ARAP2: variants seen among roughly 807,000 people sequenced by gnomAD.
ARAP2 encodes the protein arf-GAP with Rho-GAP domain, ANK repeat and PH domain-containing protein 2.
ARAP2 carries 148 observed loss-of-function variants against 194.5 expected under a neutral mutation model. That is an observed-to-expected ratio of 0.76 (90% CI 0.67 to 0.87). The LOEUF is 0.87. ARAP2 is among the 40% of genes least tolerant of loss of function. The pLI is 0.00. For missense variants in ARAP2, 2,128 were observed against 1,989.7 expected, an observed-to-expected ratio of 1.07 and a Z score of -1.32; for synonymous variants, 695 against 683.5, an observed-to-expected ratio of 1.02 and a Z score of -0.26.
intron 22 of ARAP2, among the ~76,000 whole-genome samples, chr4:36,121,630 T>G (rs1162173402): frequency 6.6e-6 from 1 of 151,584 alleles, no homozygotes; most frequent in African/African-American, 2.4e-5. Flanking sequence ...GTGGCCAAAG[T>G]ATAGAAGTAT....
At chr4:36,100,514 T>G (rs1716570997) in intron 27 of ARAP2, among the ~76,000 whole-genome samples, 1 of 151,872 alleles carries the variant, frequency 6.6e-6, no homozygotes, top group South Asian at 2.1e-4. Flanking sequence ...GATCAAGTAA[T>G]TTTGCAATAT....
chr4:36,221,158 T>C (rs996246908), intron 2 of ARAP2, among the ~76,000 whole-genome samples: 3 of 152,162 alleles, frequency 2.0e-5, no homozygotes, highest in Admixed American at 6.6e-5. Context: ...TACAGGTTTG[T>C]AGCCTAGGAA....
At chr4:36,091,608 T>G (rs1713669407) in intron 28 of ARAP2, among the ~76,000 whole-genome samples, 1 of 152,148 alleles carries the variant, frequency 6.6e-6, no homozygotes, top group Non-Finnish European at 1.5e-5. Flanking sequence ...TTGACTGAGA[T>G]GTTGATTTAT....
At chr4:36,237,985 G>C (rs747091592) in intron 1 of ARAP2, among the ~76,000 whole-genome samples, 10 of 152,204 alleles carry the variant, frequency 6.6e-5, no homozygotes, top group Non-Finnish European at 1.3e-4. Flanking sequence ...GACTGCAAAA[G>C]GATGAAGGTC....
chr4:36,141,822 A>G (rs373944169), intron 19 of ARAP2, among the ~76,000 whole-genome samples: 6 of 151,800 alleles, frequency 4.0e-5, no homozygotes, highest in East Asian at 3.9e-4. Context: ...GGCCAACAGT[A>G]TAAATAATTG....
intron 11 of ARAP2, among the ~76,000 whole-genome samples, chr4:36,161,969 G>A (rs1309692334): frequency 1.3e-5 from 2 of 151,888 alleles, no homozygotes; most frequent in Non-Finnish European, 2.9e-5. Flanking sequence ...TTAGCCGGGC[G>A]AGGTGGCAGG....
At chr4:36,200,067 CAATTT>C (rs962181769) in intron 6 of ARAP2, among the ~76,000 whole-genome samples, 39 of 151,972 alleles carry the variant, frequency 2.6e-4, no homozygotes, top group African/African-American at 9.2e-4. Flanking sequence ...GTTAAATAAC[CAATTT>C]ATTTTTAAAC....
At chr4:36,011,792 A>G (rs1006986980) in intron 9 of ARAP2, among the ~76,000 whole-genome samples, 6 of 152,208 alleles carry the variant, frequency 3.9e-5, no homozygotes, top group African/African-American at 9.6e-5. Context: ...GGTTGTAAAC[A>G]CAGCATATTA....
Position 36,067,705 on chromosome 4 carries a change from G to T in ARAP2, c.*202C>A. On this transcript the variant is annotated 3_prime_UTR_variant, in exon 33 of 33. Transcript: ENST00000303965. ...AATACAATGGAACTTTACAAGGTTT[G>T]TTCAGACCAAAATAAAGTTAATCTT... 1 of 535,218 alleles carries T rather than the reference G, an allele frequency of 1.9e-6. No homozygotes were observed. 33.2% of individuals were successfully genotyped at this position (535,218 alleles called of 1,614,324 possible).
At chr4:36,175,237 T>G in intron 9 of ARAP2, among the ~76,000 whole-genome samples, 1 of 152,212 alleles carries the variant, frequency 6.6e-6, no homozygotes. Flanking sequence ...TGTGTGTGTT[T>G]GTATAAAATT....
At chr4:36,084,203 G>T (rs1366412163) in intron 28 of ARAP2, among the ~76,000 whole-genome samples, 1 of 152,026 alleles carries the variant, frequency 6.6e-6, no homozygotes, top group Non-Finnish European at 1.5e-5. Context: ...GTGACTGTAG[G>T]AGTCAATATC....
At chr4:36,060,575 A>G (rs1724262836) in intron 1 of ARAP2, among the ~76,000 whole-genome samples, 1 of 152,222 alleles carries the variant, frequency 6.6e-6, no homozygotes, top group African/African-American at 2.4e-5. Context: ...TATCAATATT[A>G]ACAAATTAAC....
At chr4:36,098,916 A>G (rs931272410) in intron 27 of ARAP2, among the ~76,000 whole-genome samples, 1 of 152,084 alleles carries the variant, frequency 6.6e-6, no homozygotes, top group African/African-American at 2.4e-5. Flanking sequence ...GTTCTGGGGT[A>G]CATGTGCAGG....
intron 13 of ARAP2, chr4:36,160,009 G>A (rs1380431036): frequency 3.5e-6 from 3 of 867,328 alleles, no homozygotes; most frequent in African/African-American, 1.8e-5. Context: ...ATAGGAAGGA[G>A]GAAGAACAGT....
exon 5 of ARAP2, chr4:36,046,041 A>T (rs749316681): frequency 2.6e-5 from 4 of 152,182 alleles, no homozygotes; most frequent in Admixed American, 6.5e-5. Flanking sequence ...CACTCCAGAG[A>T]TTCCTTTGTT....
At chr4:36,127,770 A>C (rs1724314513) in intron 21 of ARAP2, among the ~76,000 whole-genome samples, 1 of 151,962 alleles carries the variant, frequency 6.6e-6, no homozygotes. Flanking sequence ...ATGATTTATT[A>C]ATAAAAATAA....
chr4:36,128,553 G>A lies in ARAP2; in HGVS notation c.3620C>T (p.Pro1207Leu). ...DDALLTKELY[P>L]YWISALDTQD... is the part of the protein sequence containing the mutation. ...ATTACCTAAAGCAGAGATCCAATAT[G>A]GGTAGAGCTCCTTAGTAAGCAGTGC... is the stretch of plus-strand genomic sequence containing the variant. The change falls in exon 21 of 33, where the codon CCA (proline) becomes CTA (leucine). Residue 1207 changes from proline to leucine, a missense_variant. Pro to Leu is a moderately conservative substitution (Grantham distance 98, BLOSUM62 -3). Coordinates refer to ENST00000303965, the MANE Select transcript of ARAP2 (RefSeq NM_015230.4). The A allele has an allele frequency of 1.2e-6, 2 of 1,611,566 alleles. No individual in the cohort carries two copies. Among genetic ancestry groups the A allele is most frequent in the Non-Finnish European group, 1.7e-6 (2 of 1,178,910 alleles).
At chr4:36,137,507 G>A (rs962643277) in intron 19 of ARAP2, among the ~76,000 whole-genome samples, 1 of 151,784 alleles carries the variant, frequency 6.6e-6, no homozygotes, top group East Asian at 1.9e-4. Flanking sequence ...TTTTAAAAAT[G>A]TAATTAGAAA....
At chr4:36,160,762 T>C (rs1404633801) in intron 12 of ARAP2, 121 bp from the exon 13 acceptor site, 1 of 836,142 alleles carries the variant, frequency 1.2e-6, no homozygotes, top group Non-Finnish European at 1.6e-6. Context: ...GGAAAACACA[T>C]GAAAGACTCA....
Sources: allele counts gnomAD v4.1 joint callset (sites outside exome capture counted in the v4.1 genomes callset), GRCh38; gene constraint gnomAD v4.1.1; transcripts MANE v1.5; gene names NCBI Gene and HGNC (gene_info 2026-07-23, HGNC 2026-07-21).